Variants in DIP2C observed in about 807,000 individuals in gnomAD.
The protein encoded by DIP2C is DIP2 acetate--CoA ligase C (putative).
In DIP2C, 33 loss-of-function variants were observed where a neutral mutation model predicts 192.4. The observed-to-expected ratio is 0.17, with a 90% CI of 0.13 to 0.23. The LOEUF (loss-of-function observed/expected upper bound fraction) is 0.23. DIP2C is among the 10% of genes least tolerant of loss of function. The pLI, the probability that DIP2C is intolerant of heterozygous loss-of-function variation, is 1.00. For synonymous variants in DIP2C, 979 were observed against 864.1 expected (o/e 1.13, Z -2.33); for missense variants, 1,537 against 2,110.1 (o/e 0.73, Z 5.32).
chr10:344,908 T>G lies in DIP2C; in HGVS notation c.3354A>C (p.Pro1118=). 6.2e-7 allele frequency: 1 copy of G among 1,606,764 alleles called. No homozygotes were observed. Among genetic ancestry groups the G allele is most frequent in the Non-Finnish European group, 8.5e-7 (1 of 1,177,514 alleles). ...TGCAGATCTGGGCAGGCCGCTTCTT[T>G]GGCAAATCATCTGGAGAGGAACATG... is the stretch of plus-strand genomic sequence containing the variant. ...WPLILDTDDL[P]KKRPAQICKP... is the part of the protein sequence containing the mutation. Residue 1118 remains proline (P), a synonymous_variant, in exon 28 of 37, where the codon CCA becomes CCC. Transcript: ENST00000280886.
At chr10:556,819 CAG>C (rs1317568985) in intron 1 of DIP2C, among the ~76,000 whole-genome samples, 2 of 152,096 alleles carry the variant, frequency 1.3e-5, no homozygotes, top group Admixed American at 6.5e-5. Context: ...CCTTGAGTCA[CAG>C]AGAGGAACAT....
chr10:595,289 C>G (rs1489480104), intron 1 of DIP2C, among the ~76,000 whole-genome samples: 1 of 152,208 alleles, frequency 6.6e-6, no homozygotes, highest in Non-Finnish European at 1.5e-5. Flanking sequence ...TTATTAGTTC[C>G]TATTTTCCCC....
At chr10:449,973 A>G (rs1214208720) in intron 3 of DIP2C, among the ~76,000 whole-genome samples, 1 of 151,952 alleles carries the variant, frequency 6.6e-6, no homozygotes, top group Non-Finnish European at 1.5e-5. Flanking sequence ...TGAGATTGTT[A>G]TCTCCAGGAA....
chr10:366,309 T>C lies in DIP2C; in HGVS notation c.2234A>G (p.Tyr745Cys), dbSNP rs1265508131. 1.9e-6 allele frequency: 3 copies of C among 1,613,920 alleles called. No individual in the cohort carries two copies. Among genetic ancestry groups the C allele is most frequent in the Admixed American group, 1.7e-5 (1 of 59,990 alleles). Reference sequence around the variant, plus strand: ...GTTCTTGGTCATGCCAGAGAGGCCATAGTAGGACGTGCCCGTCGCAACTGC... The same window carrying C: ...GTTCTTGGTCATGCCAGAGAGGCCACAGTAGGACGTGCCCGTCGCAACTGC... ...VCAVATGTSY[Y>C]GLSGMTKNTF... The change falls in exon 19 of 37, where the codon TAT becomes TGT. Residue 745 changes from tyrosine (Y) to cysteine (C), a missense_variant. Tyr to Cys is a radical substitution (Grantham distance 194). This residue lies in a region of DIP2C where 677 missense variants were observed against 989.9 expected (regional missense o/e 0.68). Coordinates refer to ENST00000280886, the MANE Select transcript of DIP2C (RefSeq NM_014974.3).
At chr10:647,257 C>T (rs373956712) in intron 1 of DIP2C, among the ~76,000 whole-genome samples, 1 of 152,132 alleles carries the variant, frequency 6.6e-6, no homozygotes, top group East Asian at 1.9e-4. Flanking sequence ...GAGTCCACGT[C>T]CACATTGGAC....
chr10:329,006 G>A (rs956896064), intron 30 of DIP2C, among the ~76,000 whole-genome samples: 1 of 152,128 alleles, frequency 6.6e-6, no homozygotes, highest in Non-Finnish European at 1.5e-5. Context: ...TTGAGCTTAG[G>A]GTCCAGACCC....
At chr10:678,030 C>T (rs767057230) in intron 1 of DIP2C, among the ~76,000 whole-genome samples, 3 of 152,260 alleles carry the variant, frequency 2.0e-5, no homozygotes, top group African/African-American at 4.8e-5. Flanking sequence ...CCAGCCCAGC[C>T]TCCTGCACAC....
In DIP2C at chr10:417,786, G is replaced by A. The variant is rs112542762; in HGVS notation, c.739+1279C>T. The stretch of plus-strand genomic sequence containing the variant: ...TGTCCACCTGCACCTGTCAGGGCTC[G>A]GATAGGCCTCCCTGTCCACCTGTTC... On this transcript the variant is annotated intron_variant, in intron 6 of 36. Transcript: ENST00000280886. Among the ~76,000 whole-genome samples the A allele has an allele frequency of 3.1e-4, 21 of 68,588 alleles. 5 individuals are homozygous for A. The highest frequency in any genetic ancestry group is 6.4e-4 in the African/African-American group (10 of 15,594). The allele number at this position is 68,588 out of a possible 152,430, so 45.0% of individuals were successfully genotyped here. A position where few individuals can be genotyped will look rare whatever the true frequency, so the allele number is the denominator to read the frequency against.
rs1231255888 is a variant in DIP2C at position 552,593 on chromosome 10, G to A, written c.86-66063C>T. Among the ~76,000 whole-genome samples, 6 of 152,236 alleles carry A rather than the reference G, an allele frequency of 3.9e-5. No homozygotes were observed. In the South Asian group the frequency reaches 8.3e-4, roughly 21 times the overall value. On this transcript the variant is annotated intron_variant, in intron 1 of 36. Transcript: ENST00000280886. ...TGGCCGGGTGCAGTGGTTCACGCCT[G>A]TAATCCCAGCACTTTGGGAGGCCGA...
intron 1 of DIP2C, among the ~76,000 whole-genome samples, chr10:581,040 G>C (rs557354980): frequency 6.6e-6 from 1 of 152,208 alleles, no homozygotes; most frequent in African/African-American, 2.4e-5. Flanking sequence ...TCTGGTGAGA[G>C]AGACCAATGT....
At chr10:589,976 A>G (rs922679440) in intron 1 of DIP2C, among the ~76,000 whole-genome samples, 1 of 152,272 alleles carries the variant, frequency 6.6e-6, no homozygotes, top group Non-Finnish European at 1.5e-5. Flanking sequence ...CCGTATCAAG[A>G]TTCTGACGGT....
intron 29 of DIP2C, among the ~76,000 whole-genome samples, chr10:338,988 C>T (rs936958993): frequency 6.6e-6 from 1 of 152,090 alleles, no homozygotes; most frequent in African/African-American, 2.4e-5. Flanking sequence ...CCAGGACACC[C>T]CTCTGTGGAC....
chr10:313,593 A>C (rs1200785035), intron 31 of DIP2C, among the ~76,000 whole-genome samples: 1 of 152,242 alleles, frequency 6.6e-6, no homozygotes, highest in Non-Finnish European at 1.5e-5. Flanking sequence ...AGATGATTTA[A>C]AGTACACGGA....
intron 17 of DIP2C, 106 bp from the exon 18 acceptor site, chr10:369,739 T>G: frequency 6.3e-7 from 1 of 1,575,052 alleles, no homozygotes; most frequent in Non-Finnish European, 8.7e-7. Context: ...CTGGGCACAG[T>G]GCTGGCACCC....
At position 591,122 on chromosome 10, in the gene DIP2C, TTTTTG is replaced by T. The variant is rs1473575177; in HGVS notation, c.85+98367_85+98371del. On this transcript the variant is annotated intron_variant, in intron 1 of 36. Transcript: ENST00000280886. ...ACAGTCAGGTTTCCATTACTGGTTT[TTTTTG>T]TTTTGTTTTTTTTAGATGGAGTCTC... 6.6e-5 allele frequency among the ~76,000 whole-genome samples: 10 copies of T among 150,626 alleles called. No homozygotes were observed. The East Asian group carries it at 1.7e-3, about 26-fold the overall frequency.
At chr10:490,474 G>A (rs1054704304) in intron 1 of DIP2C, among the ~76,000 whole-genome samples, 3 of 152,192 alleles carry the variant, frequency 2.0e-5, no homozygotes, top group Admixed American at 1.3e-4. Context: ...CGATGGGAAC[G>A]TCATCCAAGG....
chr10:502,097 G>C (rs1477236925), intron 1 of DIP2C, among the ~76,000 whole-genome samples: 1 of 152,234 alleles, frequency 6.6e-6, no homozygotes, highest in Non-Finnish European at 1.5e-5. Flanking sequence ...ACTGAGCTAT[G>C]ATTCCACCAC....
intron 17 of DIP2C, among the ~76,000 whole-genome samples, chr10:381,889 A>G (rs1011479515): frequency 6.6e-6 from 1 of 151,950 alleles, no homozygotes; most frequent in Middle Eastern, 3.2e-3. Context: ...CTCTTGCCAC[A>G]CCTTCCCTCT....
chr10:350,632 A>ATTTTTTTTTTTTTTTTTTTTTTTT (rs56171130), intron 24 of DIP2C, among the ~76,000 whole-genome samples: 1 of 84,220 alleles, frequency 1.2e-5, no homozygotes, highest in Non-Finnish European at 2.3e-5. Flanking sequence ...GGGCTCAGGA[A>ATTTTTTTTTTTTTTTTTTTTTTTT]TTTTTTTTTT....
Sources: allele counts gnomAD v4.1 joint callset (sites outside exome capture counted in the v4.1 genomes callset), GRCh38; gene constraint gnomAD v4.1.1; regional missense constraint gnomAD v4.1.1; transcripts MANE v1.5; gene names NCBI Gene and HGNC (gene_info 2026-07-23, HGNC 2026-07-21).